GCNT2: variants seen among roughly 807,000 people sequenced by gnomAD.
The protein encoded by GCNT2 is N-acetyllactosaminide beta-1,6-N-acetylglucosaminyl-transferase.
In GCNT2, 34 loss-of-function variants were observed where a neutral mutation model predicts 34.2. That is an observed-to-expected ratio of 1.00 (90% confidence interval 0.76 to 1.32). The LOEUF is 1.32. Ranked by LOEUF, GCNT2 falls within the 40% of genes most tolerant of loss-of-function variation. The probability of loss-of-function intolerance (pLI) is 0.00; values close to 1 mark genes in which losing one functional copy is unlikely to be tolerated. For synonymous variants in GCNT2, 212 were observed against 188.0 expected, an observed-to-expected ratio of 1.13 and a Z score of -1.04; for missense variants, 584 against 489.4, an observed-to-expected ratio of 1.19 and a Z score of -1.82.
chr6:10,552,942 C>T (rs571416707), intron 3 of GCNT2, among the ~76,000 whole-genome samples: 3 of 152,322 alleles, frequency 2.0e-5, no homozygotes, highest in South Asian at 4.1e-4. Flanking sequence ...ACCCCATTTA[C>T]CTAACCTTTT....
At chr6:10,619,813 C>T (rs939790774) in intron 3 of GCNT2, among the ~76,000 whole-genome samples, 2 of 152,202 alleles carry the variant, frequency 1.3e-5, no homozygotes, top group Non-Finnish European at 2.9e-5. Context: ...TTGGCTGGGT[C>T]AGGTTCCTGT....
In GCNT2 at chr6:10,569,466, C is replaced by A. The variant is rs3823013; in HGVS notation, c.925+39630C>A. ...CCTCCCAAGTAGCTGGGATTATAAG[C>A]ATGAGCCACTGCACCTGGCCCATGT... On this transcript the variant is annotated intron_variant, in intron 3 of 4. Coordinates refer to ENST00000495262, the MANE Select transcript of GCNT2 (RefSeq NM_145649.5). Among the ~76,000 whole-genome samples, 456 of 152,194 alleles carry A rather than the reference C, an allele frequency of 3.0e-3. 6 individuals carry two copies. In the East Asian group the frequency reaches 0.06, roughly 20 times the overall value.
At position 10,577,301 on chromosome 6, in the gene GCNT2, G is replaced by A. The variant is rs141017297; in HGVS notation, c.926-44050G>A. ...GGCTCTGCACTCAGACGCCTCCCGC[G>A]GCTCCTGGAGTTGCCTCCTCTCATC... is the stretch of plus-strand genomic sequence containing the variant. On this transcript the variant is annotated intron_variant, in intron 3 of 4. Coordinates refer to ENST00000495262, the MANE Select transcript of GCNT2 (RefSeq NM_145649.5). Among the ~76,000 whole-genome samples the A allele has an allele frequency of 2.6e-3, 402 of 152,314 alleles. 2 individuals are homozygous for A. Among genetic ancestry groups the A allele is most frequent in the Non-Finnish European group, 2.9e-3 (195 of 68,030 alleles).
At position 10,529,244 on chromosome 6, in the gene GCNT2, G is replaced by A. The variant is rs769436576; in HGVS notation, c.333G>A (p.Glu111=). ...VTIHKDFGTF[E]RLFRAIYMPQ... ...TCCACAAAGACTTCGGCACTTTTGA[G>A]AGGCTCTTCAGGGCGATTTATATGC... is the stretch of plus-strand genomic sequence containing the variant. Residue 111 remains glutamate, a synonymous_variant, in exon 3 of 5, where the codon GAG becomes GAA. Coordinates refer to ENST00000495262, the MANE Select transcript of GCNT2 (RefSeq NM_145649.5). 1 of 1,614,190 alleles carries A rather than the reference G, an allele frequency of 6.2e-7. No homozygotes were observed. Among genetic ancestry groups the A allele is most frequent in the Non-Finnish European group, 8.5e-7 (1 of 1,180,026 alleles).
At chr6:10,570,658 C>A (rs1193590026) in intron 3 of GCNT2, among the ~76,000 whole-genome samples, 4 of 152,178 alleles carry the variant, frequency 2.6e-5, no homozygotes, top group African/African-American at 4.8e-5. Context: ...GCACTTGGTC[C>A]AAGTCTGAGC....
intron 3 of GCNT2, among the ~76,000 whole-genome samples, chr6:10,617,743 A>ATTTTTTTTTTTTTTTTTTTTTT (rs1254996839): frequency 8.9e-6 from 1 of 112,792 alleles, no homozygotes; most frequent in Non-Finnish European, 1.6e-5. Context: ...CAGAGTCTGC[A>ATTTTTTTTTTTTTTTTTTTTTT]TTTCTTCTTT....
chr6:10,553,555 C>G (rs1006937981), intron 3 of GCNT2, among the ~76,000 whole-genome samples: 2 of 152,190 alleles, frequency 1.3e-5, no homozygotes, highest in East Asian at 3.8e-4. Context: ...AGGATACTCT[C>G]TTTCCTTTGG....
intron 3 of GCNT2, among the ~76,000 whole-genome samples, chr6:10,582,907 A>G (rs1308338734): frequency 1.3e-5 from 2 of 152,084 alleles, no homozygotes; most frequent in African/African-American, 4.8e-5. Flanking sequence ...AGTCTTGACA[A>G]CCATTTGAAA....
intron 4 of GCNT2, among the ~76,000 whole-genome samples, chr6:10,622,989 G>A (rs1002798798): frequency 8.6e-5 from 13 of 151,690 alleles, no homozygotes; most frequent in African/African-American, 2.9e-4. Context: ...TCTTGACCTC[G>A]TGATCTGCCC....
intron 3 of GCNT2, chr6:10,557,284 G>T (rs1441619030): frequency 6.2e-7 from 1 of 1,613,670 alleles, no homozygotes; most frequent in Non-Finnish European, 8.5e-7. Context: ...TGCTCCAGTG[G>T]TCCAAGGACA....
chr6:10,585,064 TGTGTGTGTGTGTGTGC>T (rs1481772926), intron 3 of GCNT2, among the ~76,000 whole-genome samples: 2,474 of 140,612 alleles, frequency 0.018, 39 homozygotes, highest in African/African-American at 0.058. Context: ...TGTGTGTGTG[TGTGTGTGTGTGTGTGC>T]GCGCTATATT....
In GCNT2 at chr6:10,539,180, C is replaced by CTTTTTTTTTTTTTTTTTT. The variant is rs71548847; in HGVS notation, c.925+9353_925+9370dup. Among the ~76,000 whole-genome samples, 3 of 65,328 alleles carry CTTTTTTTTTTTTTTTTTT rather than the reference C, an allele frequency of 4.6e-5. 1 individual carries two copies. The highest frequency in any genetic ancestry group is 6.2e-5 in the African/African-American group (1 of 16,184). The allele number at this position is 65,328 out of a possible 152,430, so 42.9% of individuals were successfully genotyped here. ...AGCCTATCTCTACAGCTCACCGTCT[C>CTTTTTTTTTTTTTTTTTT]TTTTTTTTTTTTTTTTTTTTTTTTT... On this transcript the variant is annotated intron_variant, in intron 3 of 4. Coordinates refer to ENST00000495262, the MANE Select transcript of GCNT2 (RefSeq NM_145649.5).
At chr6:10,615,665 T>C (rs1402611075) in intron 3 of GCNT2, among the ~76,000 whole-genome samples, 1 of 152,054 alleles carries the variant, frequency 6.6e-6, no homozygotes, top group African/African-American at 2.4e-5. Flanking sequence ...TGAAAGCAAG[T>C]TTATTAAGAA....
chr6:10,582,344 A>T (rs1764133475), intron 3 of GCNT2, among the ~76,000 whole-genome samples: 1 of 116,628 alleles, frequency 8.6e-6, no homozygotes, highest in African/African-American at 3.6e-5. Flanking sequence ...ACTATATAAT[A>T]TATAGTAATA....
At chr6:10,626,145 ATAAT>A (rs1391411702) in intron 4 of GCNT2, among the ~76,000 whole-genome samples, 2 of 152,222 alleles carry the variant, frequency 1.3e-5, no homozygotes, top group African/African-American at 4.8e-5. Flanking sequence ...GATATACACA[ATAAT>A]TAACATAATT....
rs1003682233 is a variant in GCNT2 at position 10,540,532 on chromosome 6, A to G, written c.925+10696A>G. On this transcript the variant is annotated intron_variant, in intron 3 of 4. Transcript: ENST00000495262. ...ATTTGTGTAGATCTCAGTTCCCTCT[A>G]TGCCCGGGCCCTGCCCACCCCCAAC... 6.7e-5 allele frequency among the ~76,000 whole-genome samples: 5 copies of G among 74,682 alleles called. No individual in the cohort carries two copies. In the South Asian group the frequency reaches 1.8e-3, roughly 27 times the overall value. The allele number at this position is 74,682 out of a possible 152,430, so 49.0% of individuals were successfully genotyped here.
At chr6:10,568,093 C>A (rs568691897) in intron 3 of GCNT2, among the ~76,000 whole-genome samples, 3 of 152,180 alleles carry the variant, frequency 2.0e-5, no homozygotes, top group African/African-American at 2.4e-5. Flanking sequence ...CAGTTTACTT[C>A]GTGGCTCTTG....
intron 3 of GCNT2, among the ~76,000 whole-genome samples, chr6:10,531,043 A>AC (rs1761463451): frequency 6.6e-6 from 1 of 150,944 alleles, no homozygotes; most frequent in African/African-American, 2.4e-5. Context: ...TCTGTCTCAA[A>AC]AAAAAAAAAA....
chr6:10,584,512 G>A (rs1209051988), intron 3 of GCNT2, among the ~76,000 whole-genome samples: 3 of 152,138 alleles, frequency 2.0e-5, no homozygotes, highest in Non-Finnish European at 4.4e-5. Flanking sequence ...CTTTACGGAT[G>A]TCGGGCTGGG....
Sources: gnomAD v4.1 joint callset for allele counts (sites outside exome capture counted in the v4.1 genomes callset) on GRCh38, gnomAD v4.1.1 for gene constraint, MANE v1.5 for transcripts, NCBI Gene and HGNC (gene_info 2026-07-23, HGNC 2026-07-21) for gene names.